NKAIN2: variants seen among roughly 807,000 people sequenced by gnomAD.
NKAIN2 encodes the protein sodium/potassium transporting ATPase interacting 2, also known as sodium/potassium-transporting ATPase subunit beta-1-interacting protein 2.
Under a neutral mutation model 32.6 loss-of-function variants are expected in NKAIN2, and 14 were observed. The observed-to-expected ratio is 0.43, with a 90% CI of 0.28 to 0.67. The LOEUF (loss-of-function observed/expected upper bound fraction) is 0.67. NKAIN2 is among the 30% of genes least tolerant of loss of function. NKAIN2 has a pLI of 0.17. For missense variants in NKAIN2, 198 were observed against 258.3 expected (o/e 0.77, Z 1.60); for synonymous variants, 80 against 87.2 (o/e 0.92, Z 0.46).
At chr6:124,050,863 G>A (rs902673918) in intron 1 of NKAIN2, among the ~76,000 whole-genome samples, 19 of 152,000 alleles carry the variant, frequency 1.3e-4, no homozygotes, top group Non-Finnish European at 2.2e-4. Context: ...AGAATCAATC[G>A]TACCTATTGA....
intron 1 of NKAIN2, among the ~76,000 whole-genome samples, chr6:123,873,564 A>G (rs1271130649): frequency 6.6e-6 from 1 of 152,110 alleles, no homozygotes; most frequent in Admixed American, 6.6e-5. Context: ...TGCAGGCGAG[A>G]GGAGAGAAAG....
chr6:124,627,214 G>A (rs1386491531), intron 3 of NKAIN2, among the ~76,000 whole-genome samples: 3 of 152,004 alleles, frequency 2.0e-5, no homozygotes, highest in Non-Finnish European at 4.4e-5. Context: ...AGGTTGCAGT[G>A]AACCAAGATC....
At chr6:124,778,258 G>GAA (rs5879762) in intron 4 of NKAIN2, among the ~76,000 whole-genome samples, 5 of 151,966 alleles carry the variant, frequency 3.3e-5, no homozygotes, top group Admixed American at 6.6e-5. Context: ...GAAGTTAAGG[G>GAA]AAAAAAACTA....
intron 3 of NKAIN2, among the ~76,000 whole-genome samples, chr6:124,628,009 TCA>T (rs980203945): frequency 6.6e-5 from 10 of 152,108 alleles, no homozygotes; most frequent in Admixed American, 2.0e-4. Flanking sequence ...ACACACGTGT[TCA>T]CACACACATT....
chr6:124,041,850 A>G (rs548431561), intron 1 of NKAIN2, among the ~76,000 whole-genome samples: 1 of 152,258 alleles, frequency 6.6e-6, no homozygotes, highest in Admixed American at 6.5e-5. Flanking sequence ...AACCTAATCA[A>G]TAGCTACTCA....
chr6:124,433,482 C>T (rs1466284417), intron 3 of NKAIN2, among the ~76,000 whole-genome samples: 2 of 152,080 alleles, frequency 1.3e-5, no homozygotes, highest in Non-Finnish European at 2.9e-5. Context: ...TTCTGATAAA[C>T]TGTCATGTGG....
chr6:124,670,955 T>TTGG (rs1773069914), intron 4 of NKAIN2, among the ~76,000 whole-genome samples: 1 of 152,050 alleles, frequency 6.6e-6, no homozygotes, highest in Non-Finnish European at 1.5e-5. Context: ...CTTTCATCAT[T>TTGG]TGGTTCACCA....
At chr6:123,922,023 C>T (rs1332571728) in intron 1 of NKAIN2, among the ~76,000 whole-genome samples, 1 of 152,072 alleles carries the variant, frequency 6.6e-6, no homozygotes. Flanking sequence ...CGATGCTGTG[C>T]CCATTAATTT....
chr6:124,384,031 G>A (rs1167017745), intron 3 of NKAIN2, among the ~76,000 whole-genome samples: 1 of 152,164 alleles, frequency 6.6e-6, no homozygotes, highest in East Asian at 1.9e-4. Flanking sequence ...CTCATATAGT[G>A]TAAGTATTCA....
chr6:124,342,107 A>C (rs1274160303), intron 2 of NKAIN2, among the ~76,000 whole-genome samples: 1 of 152,182 alleles, frequency 6.6e-6, no homozygotes, highest in African/African-American at 2.4e-5. Context: ...ATTTATATCT[A>C]TTAAAACACC....
intron 3 of NKAIN2, among the ~76,000 whole-genome samples, chr6:124,478,031 C>T (rs1213783208): frequency 6.6e-6 from 1 of 151,734 alleles, no homozygotes. Flanking sequence ...TCCTTTGAAG[C>T]GACAAGCACA....
chr6:123,817,192 T>C (rs1216950059), intron 1 of NKAIN2, among the ~76,000 whole-genome samples: 2 of 152,126 alleles, frequency 1.3e-5, no homozygotes, highest in Non-Finnish European at 2.9e-5. Flanking sequence ...AAGAGTAAAG[T>C]AGGCTTCAGG....
At chr6:124,134,868 G>GA (rs368182945) in intron 1 of NKAIN2, among the ~76,000 whole-genome samples, 1 of 151,938 alleles carries the variant, frequency 6.6e-6, no homozygotes, top group Non-Finnish European at 1.5e-5. Context: ...CAAGATGAAG[G>GA]AAAAAAATCT....
chr6:124,370,855 C>G (rs1006253808), intron 3 of NKAIN2, among the ~76,000 whole-genome samples: 1 of 152,042 alleles, frequency 6.6e-6, no homozygotes, highest in East Asian at 1.9e-4. Context: ...TGTGACCCCC[C>G]CGGAAGGTAC....
intron 4 of NKAIN2, among the ~76,000 whole-genome samples, chr6:124,762,755 G>C (rs918880535): frequency 6.6e-6 from 1 of 152,140 alleles, no homozygotes; most frequent in African/African-American, 2.4e-5. Context: ...GGAAAACAAA[G>C]GACTCATTAA....
intron 1 of NKAIN2, among the ~76,000 whole-genome samples, chr6:123,857,647 T>G (rs961518835): frequency 1.3e-5 from 2 of 150,502 alleles, no homozygotes; most frequent in Non-Finnish European, 3.0e-5. Flanking sequence ...ATTCATTTAA[T>G]GCAGAACAAA....
At chr6:123,895,870 C>G (rs189738032) in intron 1 of NKAIN2, among the ~76,000 whole-genome samples, 74 of 151,180 alleles carry the variant, frequency 4.9e-4, no homozygotes, top group African/African-American at 1.7e-3. Flanking sequence ...CTATAACATT[C>G]GTTCGTCTCC....
intron 1 of NKAIN2, among the ~76,000 whole-genome samples, chr6:124,099,491 T>C (rs1784784623): frequency 1.3e-5 from 2 of 152,226 alleles, no homozygotes; most frequent in Non-Finnish European, 2.9e-5. Flanking sequence ...TGCTTAATTA[T>C]ATATACCAAT....
chr6:124,588,047 T>A (rs975424964), intron 3 of NKAIN2, among the ~76,000 whole-genome samples: 3 of 152,174 alleles, frequency 2.0e-5, no homozygotes, highest in Non-Finnish European at 4.4e-5. Context: ...TGCTTATACA[T>A]GTTCTAAATA....
Sources: allele counts gnomAD v4.1 joint callset (sites outside exome capture counted in the v4.1 genomes callset), GRCh38; gene constraint gnomAD v4.1.1; transcripts MANE v1.5; gene names NCBI Gene and HGNC (gene_info 2026-07-23, HGNC 2026-07-21).